CABCOCO1: variants seen among roughly 807,000 people sequenced by gnomAD.
The protein encoded by CABCOCO1 is ciliary associated calcium binding coiled-coil 1, also known as ciliary-associated calcium-binding coiled-coil protein 1.
In CABCOCO1, 28 loss-of-function variants were observed where a neutral mutation model predicts 35.7. The observed-to-expected ratio is 0.78, with a 90% confidence interval of 0.58 to 1.07. The LOEUF (loss-of-function observed/expected upper bound fraction) is 1.07, where lower values mean the gene tolerates loss of function less well. Ranked by LOEUF, CABCOCO1 falls within the 50% of genes least tolerant of loss-of-function variation. The pLI, the probability that CABCOCO1 is intolerant of heterozygous loss-of-function variation, is 0.00. For missense variants in CABCOCO1, 326 were observed against 309.2 expected (o/e 1.05, Z -0.41); for synonymous variants, 95 against 100.1 (o/e 0.95, Z 0.30).
chr10:61,766,506 G>GTT lies in CABCOCO1; in HGVS notation c.*506_*507dup, dbSNP rs11401832. The GTT allele has an allele frequency of 0.01, 1,508 of 146,530 alleles. 13 individuals are homozygous for GTT. The highest frequency in any genetic ancestry group is 0.021 in the African/African-American group (829 of 39,986). The allele number at this position is 146,530 out of a possible 1,614,324, so 9.1% of individuals were successfully genotyped here. A position where few individuals can be genotyped will look rare whatever the true frequency, so the allele number is the denominator to read the frequency against. On this transcript the variant is annotated 3_prime_UTR_variant, in exon 8 of 8. Transcript: ENST00000648843. ...ATAGCAATTCAAATGCATATATGAG[G>GTT]TTTTTTTTTTTTTTACTGAAATCAT...
intron 5 of CABCOCO1, among the ~76,000 whole-genome samples, chr10:61,752,979 A>G (rs1245980072): frequency 6.6e-6 from 1 of 152,192 alleles, no homozygotes; most frequent in Non-Finnish European, 1.5e-5. Context: ...GAAGTGCATG[A>G]AAAAAGAAAG....
chr10:61,747,959 T>C (rs1841699563), intron 5 of CABCOCO1, among the ~76,000 whole-genome samples: 2 of 152,166 alleles, frequency 1.3e-5, no homozygotes, highest in South Asian at 4.1e-4. Flanking sequence ...CATCAGATAA[T>C]AGGCTATACT....
chr10:61,695,790 A>G (rs10994880), intron 5 of CABCOCO1, among the ~76,000 whole-genome samples: 11,344 of 152,126 alleles, frequency 0.075, 458 homozygotes, highest in East Asian at 0.095. Context: ...CCTTTCTGTG[A>G]TAAAATAAGA....
chr10:61,766,081 T>C lies in CABCOCO1; in HGVS notation c.*68T>C, dbSNP rs1726458783. The C allele has an allele frequency of 1.4e-6, 2 of 1,382,022 alleles. No individual in the cohort carries two copies. Among genetic ancestry groups the C allele is most frequent in the Non-Finnish European group, 2.0e-6 (2 of 988,334 alleles). 85.6% of individuals were successfully genotyped at this position (1,382,022 alleles called of 1,614,324 possible). On this transcript the variant is annotated 3_prime_UTR_variant, in exon 8 of 8. Coordinates refer to ENST00000648843, the MANE Select transcript of CABCOCO1 (RefSeq NM_001366906.2). ...AACAAAACCAGCCAGAATAACAGAC[T>C]CTCTGGAGCGTCGTGTCTCCATCAC...
chr10:61,722,693 G>A (rs1451288013), intron 5 of CABCOCO1, among the ~76,000 whole-genome samples: 1 of 151,336 alleles, frequency 6.6e-6, no homozygotes, highest in Non-Finnish European at 1.5e-5. Context: ...AAAAAAAACT[G>A]GTAAAATACT....
chr10:61,692,580 A>G lies in CABCOCO1; in HGVS notation c.552+1959A>G, dbSNP rs138106459. Among the ~76,000 whole-genome samples the G allele has an allele frequency of 4.1e-3, 628 of 152,246 alleles. 5 individuals are homozygous for G. Among genetic ancestry groups the G allele is most frequent in the African/African-American group, 0.014 (574 of 41,562 alleles). ...CCTGATATTAAGAACCACATGGAAC[A>G]TGCCAGCTATTCTGACTTCCTGGGT... On this transcript the variant is annotated intron_variant, in intron 5 of 7. Transcript: ENST00000648843.
chr10:61,709,168 G>A (rs184047716), intron 5 of CABCOCO1, among the ~76,000 whole-genome samples: 10 of 152,198 alleles, frequency 6.6e-5, no homozygotes, highest in South Asian at 4.2e-4. Context: ...AGAGAGATAC[G>A]TAGTTGATTT....
At chr10:61,667,028 A>C (rs1564527388) in intron 1 of CABCOCO1, among the ~76,000 whole-genome samples, 3 of 130,108 alleles carry the variant, frequency 2.3e-5, no homozygotes, top group African/African-American at 8.8e-5. Context: ...ATATAAATAT[A>C]ATTATATTAT....
At position 61,688,223 on chromosome 10, in the gene CABCOCO1, C is replaced by T. The variant is rs576001500; in HGVS notation, c.479+2038C>T. 2.6e-5 allele frequency among the ~76,000 whole-genome samples: 4 copies of T among 152,232 alleles called. No homozygotes were observed. The East Asian group carries it at 7.7e-4, about 29-fold the overall frequency. On this transcript the variant is annotated intron_variant, in intron 4 of 7. Transcript: ENST00000648843. The stretch of plus-strand genomic sequence containing the variant: ...ATTTTTCATTTTGATGACTACAAAG[C>T]AGTTTTATAAATATGAAGGTAACCC...
At chr10:61,760,255 A>C in intron 6 of CABCOCO1, 74 bp downstream of exon 6, 4 of 1,499,460 alleles carry the variant, frequency 2.7e-6, no homozygotes, top group Non-Finnish European at 3.6e-6. Flanking sequence ...AAACGAACTA[A>C]ATGTTTTCTT....
intron 5 of CABCOCO1, among the ~76,000 whole-genome samples, chr10:61,695,993 G>A (rs918303857): frequency 2.0e-5 from 3 of 152,046 alleles, no homozygotes. Flanking sequence ...GAAATAGAAA[G>A]GAATGAAGAG....
At chr10:61,715,047 G>T (rs1840826667) in intron 5 of CABCOCO1, among the ~76,000 whole-genome samples, 1 of 152,292 alleles carries the variant, frequency 6.6e-6, no homozygotes, top group East Asian at 1.9e-4. Flanking sequence ...GCAGAGCTGA[G>T]TTGAAGTCCT....
chr10:61,765,988 G>T lies in CABCOCO1; in HGVS notation c.866G>T (p.Arg289Leu), dbSNP rs750121888. The T allele has an allele frequency of 6.2e-7, 1 of 1,613,090 alleles. No homozygotes were observed. The highest frequency in any genetic ancestry group is 8.5e-7 in the Non-Finnish European group (1 of 1,179,454). ...ATACAGGAAGAGGCCTTTAATGCAC[G>T]AATAGAAAAATTGAAAAAGGCCTAA... ...LQIQEEAFNA[R>L]IEKLKKA The change falls in exon 8 of 8, where the codon CGA (arginine) becomes CTA (leucine). Residue 289 changes from arginine (R) to leucine (L), a missense_variant. Coordinates refer to ENST00000648843, the MANE Select transcript of CABCOCO1 (RefSeq NM_001366906.2).
intron 5 of CABCOCO1, among the ~76,000 whole-genome samples, chr10:61,741,597 G>C (rs912669739): frequency 7.2e-5 from 11 of 152,122 alleles, no homozygotes; most frequent in African/African-American, 2.4e-4. Flanking sequence ...TGAGGCTGAA[G>C]CTTTCCTAAA....
chr10:61,705,327 T>C (rs1443922701), intron 5 of CABCOCO1, among the ~76,000 whole-genome samples: 10 of 152,228 alleles, frequency 6.6e-5, no homozygotes, highest in African/African-American at 9.6e-5. Flanking sequence ...TTGAAGATCA[T>C]TGTCTTCTAA....
rs1840304034 is a variant in CABCOCO1, at chr10:61,696,646, C to T, written c.552+6025C>T. Among the ~76,000 whole-genome samples, 3 of 151,888 alleles carry T rather than the reference C, an allele frequency of 2.0e-5. 1 individual carries two copies. In the South Asian group the frequency reaches 6.2e-4, roughly 32 times the overall value. Reference sequence around the variant, plus strand: ...CCATGTAGCTGGGACTACAGACACACACCCTCATACCCGGCTAATTTTTTA... The same window carrying T: ...CCATGTAGCTGGGACTACAGACACATACCCTCATACCCGGCTAATTTTTTA... On this transcript the variant is annotated intron_variant, in intron 5 of 7. Transcript: ENST00000648843.
intron 1 of CABCOCO1, among the ~76,000 whole-genome samples, chr10:61,666,502 G>A (rs996826366): frequency 6.6e-6 from 1 of 152,190 alleles, no homozygotes; most frequent in Non-Finnish European, 1.5e-5. Flanking sequence ...AATTCTGGCT[G>A]TAGCATGGAG....
At chr10:61,736,214 T>C (rs1256739064) in intron 5 of CABCOCO1, among the ~76,000 whole-genome samples, 1 of 151,876 alleles carries the variant, frequency 6.6e-6, no homozygotes, top group Non-Finnish European at 1.5e-5. Flanking sequence ...GGTGTCTTTG[T>C]CATTCCTAGG....
At chr10:61,739,700 C>T (rs977760936) in intron 5 of CABCOCO1, among the ~76,000 whole-genome samples, 12 of 151,964 alleles carry the variant, frequency 7.9e-5, no homozygotes, top group African/African-American at 2.7e-4. Context: ...GCCTGTAATC[C>T]CAGCACTTTG....
Sources: allele counts gnomAD v4.1 joint callset (sites outside exome capture counted in the v4.1 genomes callset), GRCh38; gene constraint gnomAD v4.1.1; transcripts MANE v1.5; gene names NCBI Gene and HGNC (gene_info 2026-07-23, HGNC 2026-07-21).